KNTC1: variants seen among roughly 807,000 people sequenced by gnomAD.
The protein encoded by KNTC1 is kinetochore associated 1.
In KNTC1, 253 loss-of-function variants were observed where a neutral mutation model predicts 314.4. The observed-to-expected ratio is 0.80, with a 90% CI of 0.73 to 0.89. The LOEUF (loss-of-function observed/expected upper bound fraction) is 0.89, where lower values mean the gene tolerates loss of function less well. Ranked by LOEUF, KNTC1 falls within the 40% of genes least tolerant of loss-of-function variation. The pLI, the probability that KNTC1 is intolerant of heterozygous loss-of-function variation, is 0.00. For missense variants in KNTC1, 2,475 were observed against 2,572.9 expected (o/e 0.96, Z 0.82); for synonymous variants, 901 against 901.4 (o/e 1.00, Z 0.01).
chr12:122,585,748 T>G lies in KNTC1; in HGVS notation c.3647T>G (p.Leu1216Arg), dbSNP rs995696994. The change falls in exon 37 of 64, where the codon CTG becomes CGG. Residue 1216 changes from leucine (L) to arginine (R), a missense_variant. Leu to Arg is a moderately radical substitution (Grantham distance 102, BLOSUM62 -2). Coordinates refer to ENST00000333479, the MANE Select transcript of KNTC1 (RefSeq NM_014708.6). The stretch of plus-strand genomic sequence containing the variant: ...ATGGTGCTTCCAGTGATTTATGAAC[T>G]GATTTCATCTCTTGTGCCTCTAGCT... The part of the protein sequence containing the change: ...SQMVLPVIYE[L>R]ISSLVPLAES... 2 of 1,613,674 alleles carry G rather than the reference T, an allele frequency of 1.2e-6. No homozygotes were observed. The highest frequency in any genetic ancestry group is 2.7e-5 in the African/African-American group (2 of 74,932).
chr12:122,557,639 T>C lies in KNTC1; in HGVS notation c.1438T>C (p.Trp480Arg). The C allele has an allele frequency of 6.2e-7, 1 of 1,613,528 alleles. No individual in the cohort carries two copies. Among genetic ancestry groups the C allele is most frequent in the Non-Finnish European group, 8.5e-7 (1 of 1,179,682 alleles). Residue 480 changes from tryptophan (W) to arginine (R), a missense_variant, in exon 18 of 64, where the codon TGG becomes CGG. Trp to Arg is a moderately radical substitution (Grantham distance 101). Transcript: ENST00000333479. ...GGTGAATTACTGCCTGAAAGCTCAGTGGATAACCTATGAAACCACTCAAGA... is the reference window on the plus strand; with the variant it reads ...GGTGAATTACTGCCTGAAAGCTCAGCGGATAACCTATGAAACCACTCAAGA... ...FVVNYCLKAQWITYETTQEML... is the reference protein window; with the variant it reads ...FVVNYCLKAQRITYETTQEML...
At chr12:122,573,465 A>G (rs557764564) in intron 26 of KNTC1, among the ~76,000 whole-genome samples, 180 bp downstream of exon 26, 1 of 152,198 alleles carries the variant, frequency 6.6e-6, no homozygotes, top group Non-Finnish European at 1.5e-5. Flanking sequence ...GGGGGGATAC[A>G]TGAGGACTGT....
At chr12:122,561,749 C>T (rs981382069) in intron 18 of KNTC1, among the ~76,000 whole-genome samples, 172 bp from the exon 19 acceptor site, 1 of 152,128 alleles carries the variant, frequency 6.6e-6, no homozygotes, top group Non-Finnish European at 1.5e-5. Flanking sequence ...CCACTGCCCC[C>T]AGGCAAATGC....
intron 16 of KNTC1, among the ~76,000 whole-genome samples, chr12:122,554,064 TAA>T (rs71085821): frequency 0.027 from 3,252 of 122,498 alleles, 171 homozygotes; most frequent in African/African-American, 0.099. Flanking sequence ...AATACTTCCT[TAA>T]AAAAAAAAAA....
rs959429217 is a variant in KNTC1 at position 122,611,040 on chromosome 12, C to T, written c.5622+140C>T. On this transcript the variant is annotated intron_variant, in intron 53 of 63. Coordinates refer to ENST00000333479, the MANE Select transcript of KNTC1 (RefSeq NM_014708.6). The stretch of plus-strand genomic sequence containing the variant: ...CATATGTATTCAAAGTCTGTCTCAT[C>T]TCCTAAGCAAGCATTGTCTTGCACC... 3 of 661,974 alleles carry T rather than the reference C, an allele frequency of 4.5e-6. No individual in the cohort carries two copies. The African/African-American group carries it at 5.4e-5, about 12-fold the overall frequency. The allele number at this position is 661,974 out of a possible 1,614,324, so 41.0% of individuals were successfully genotyped here. A position where few individuals can be genotyped will look rare whatever the true frequency, so the allele number is the denominator to read the frequency against.
intron 51 of KNTC1, 113 bp from the exon 52 acceptor site, chr12:122,609,271 T>A: frequency 2.9e-6 from 2 of 698,924 alleles, no homozygotes; most frequent in Non-Finnish European, 5.0e-6. Flanking sequence ...TTTTTCAATG[T>A]AAACATAATA....
intron 16 of KNTC1, among the ~76,000 whole-genome samples, chr12:122,554,713 T>C (rs950914115): frequency 2.0e-5 from 3 of 151,870 alleles, no homozygotes; most frequent in African/African-American, 7.3e-5. Flanking sequence ...ATGAGGGGAA[T>C]ATTCATGAAT....
At chr12:122,574,954 A>C (rs898097515) in intron 27 of KNTC1, among the ~76,000 whole-genome samples, 1 of 152,192 alleles carries the variant, frequency 6.6e-6, no homozygotes, top group Non-Finnish European at 1.5e-5. Flanking sequence ...AAAATAATGA[A>C]AACTGTTTTT....
chr12:122,602,566 T>G lies in KNTC1; in HGVS notation c.4654-3T>G. Reference sequence around the variant, plus strand: ...TGGACAAAAGTTTTTTATTTTAATATAGGCATTGAGTATTCTGAAACATTT... The same window carrying G: ...TGGACAAAAGTTTTTTATTTTAATAGAGGCATTGAGTATTCTGAAACATTT... On this transcript the variant is annotated splice_region_variant and splice_polypyrimidine_tract_variant and intron_variant, in intron 45 of 63. Transcript: ENST00000333479. 1.3e-6 allele frequency: 2 copies of G among 1,588,568 alleles called. No individual in the cohort carries two copies. The highest frequency in any genetic ancestry group is 1.7e-6 in the Non-Finnish European group (2 of 1,163,072).
In KNTC1 at chr12:122,575,779, TATGG is replaced by T; in HGVS notation, c.2487-20_2487-17del. The T allele has an allele frequency of 1.3e-6, 2 of 1,593,980 alleles. No individual in the cohort carries two copies. Among genetic ancestry groups the T allele is most frequent in the East Asian group, 4.5e-5 (2 of 44,786 alleles). ...TCATAAAAAAGACAATCCATGTTAA[TATGG>T]GTAAATTTGCTTTCAGAGTCAAGTT... On this transcript the variant is annotated splice_polypyrimidine_tract_variant and intron_variant, in intron 28 of 63. Coordinates refer to ENST00000333479, the MANE Select transcript of KNTC1 (RefSeq NM_014708.6).
At chr12:122,545,208 C>T (rs988322819) in intron 8 of KNTC1, among the ~76,000 whole-genome samples, 1 of 152,146 alleles carries the variant, frequency 6.6e-6, no homozygotes, top group Non-Finnish European at 1.5e-5. Flanking sequence ...AGTATAATTA[C>T]GTTTACAACA....
At chr12:122,578,858 T>C (rs975461123) in intron 31 of KNTC1, among the ~76,000 whole-genome samples, 4 of 152,168 alleles carry the variant, frequency 2.6e-5, no homozygotes, top group African/African-American at 9.7e-5. Flanking sequence ...AGGCATTAGG[T>C]TAAATAGCTA....
chr12:122,594,937 C>T (rs979632154), intron 43 of KNTC1, among the ~76,000 whole-genome samples: 4 of 152,172 alleles, frequency 2.6e-5, no homozygotes, highest in African/African-American at 9.7e-5. Context: ...GGCTGGAGTG[C>T]AGTGGCGTAA....
At position 122,573,126 on chromosome 12, in the gene KNTC1, T is replaced by A; in HGVS notation, c.2140-16T>A. ...GGTAGAGTCTGTATTTATTCCATCT[T>A]TCTTTTGGCATCCAGGAAAATACAA... On this transcript the variant is annotated splice_polypyrimidine_tract_variant and intron_variant, in intron 25 of 63. Coordinates refer to ENST00000333479, the MANE Select transcript of KNTC1 (RefSeq NM_014708.6). The A allele has an allele frequency of 6.2e-7, 1 of 1,613,804 alleles. No individual in the cohort carries two copies. The highest frequency in any genetic ancestry group is 8.5e-7 in the Non-Finnish European group (1 of 1,179,826).
chr12:122,613,866 AGTTTT>A, intron 55 of KNTC1, 105 bp downstream of exon 55: 3 of 1,224,906 alleles, frequency 2.4e-6, no homozygotes, highest in Non-Finnish European at 3.2e-6. Flanking sequence ...TTGGGGACAG[AGTTTT>A]GCTCTGTTGC....
intron 60 of KNTC1, among the ~76,000 whole-genome samples, chr12:122,621,491 C>T (rs1472583572): frequency 2.6e-5 from 4 of 152,110 alleles, no homozygotes; most frequent in Non-Finnish European, 4.4e-5. Flanking sequence ...CCTGCCACCA[C>T]GCCCGGCTAA....
chr12:122,539,783 G>GA, intron 5 of KNTC1, 29 bp downstream of exon 5: 21 of 1,293,102 alleles, frequency 1.6e-5, no homozygotes, highest in Middle Eastern at 2.2e-4. Flanking sequence ...TTTTTTGAAT[G>GA]ACTTTTTTTT....
rs759133271 is a variant in KNTC1 at position 122,620,547 on chromosome 12, C to T, written c.6218C>T (p.Ala2073Val). 2 of 1,613,658 alleles carry T rather than the reference C, an allele frequency of 1.2e-6. No individual in the cohort carries two copies. The highest frequency in any genetic ancestry group is 2.2e-5 in the South Asian group (2 of 91,030). ...ARQYIQLELP[A>V]FALACLMLMP... ...CAGTATATCCAGTTAGAACTTCCGGCTTTTGCATTAGCTTGTCTGATGCTC... is the reference window on the plus strand; with the variant it reads ...CAGTATATCCAGTTAGAACTTCCGGTTTTTGCATTAGCTTGTCTGATGCTC... Residue 2073 changes from alanine (A) to valine (V), a missense_variant, in exon 60 of 64, where the codon GCT becomes GTT. Transcript: ENST00000333479.
chr12:122,557,242 A>G (rs1963660334), intron 16 of KNTC1, 142 bp from the exon 17 acceptor site: 1 of 731,634 alleles, frequency 1.4e-6, no homozygotes, highest in African/African-American at 1.8e-5. Flanking sequence ...TCTGAATGTT[A>G]CTTTCTTTAA....
Sources: allele counts gnomAD v4.1 joint callset (sites outside exome capture counted in the v4.1 genomes callset), GRCh38; gene constraint gnomAD v4.1.1; transcripts MANE v1.5; gene names NCBI Gene and HGNC (gene_info 2026-07-23, HGNC 2026-07-21).